The following RBM38 variants were observed in gnomAD, a reference collection of about 807,000 sequenced individuals.
RBM38 encodes RNA binding motif protein 38.
Under a neutral mutation model 23.5 loss-of-function variants are expected in RBM38, and 11 were observed. The observed-to-expected ratio is 0.47, with a 90% confidence interval of 0.29 to 0.77. The LOEUF is 0.77. Ranked by LOEUF, RBM38 falls within the 30% of genes least tolerant of loss-of-function variation. The pLI is 0.08. For synonymous variants in RBM38, 165 were observed against 166.1 expected, an observed-to-expected ratio of 0.99 and a Z score of 0.05; for missense variants, 330 against 351.9, an observed-to-expected ratio of 0.94 and a Z score of 0.50.
chr20:57,404,327 T>C (rs1007942555), intron 3 of RBM38, among the ~76,000 whole-genome samples: 2 of 152,376 alleles, frequency 1.3e-5, no homozygotes, highest in Middle Eastern at 3.4e-3. Flanking sequence ...GCAGTCTGCA[T>C]GGGATCCACA....
chr20:57,397,449 C>T (rs1370330835), intron 3 of RBM38, among the ~76,000 whole-genome samples: 1 of 152,226 alleles, frequency 6.6e-6, no homozygotes, highest in African/African-American at 2.4e-5. Context: ...TGATGATGAC[C>T]GTGAGACCCT....
chr20:57,397,226 A>C (rs181959686), intron 3 of RBM38, among the ~76,000 whole-genome samples: 82 of 152,340 alleles, frequency 5.4e-4, no homozygotes, highest in African/African-American at 1.9e-3. Flanking sequence ...TCAGTGACGC[A>C]TCTCTTGCCG....
chr20:57,396,072 C>T (rs777914601), intron 3 of RBM38, among the ~76,000 whole-genome samples: 32 of 152,254 alleles, frequency 2.1e-4, no homozygotes, highest in Non-Finnish European at 3.1e-4. Flanking sequence ...AGGCAAGACC[C>T]TGTGGAATCT....
In RBM38 at chr20:57,391,629, GC is replaced by G; in HGVS notation, c.52del (p.Leu18TrpfsTer63). ...PCAPSAGFPR[P>X]LAAPGAMHGS... ...GCGCCCCGAGCGCGGGCTTCCCGCG[GC>G]CCCTGGCCGCCCCCGGCGCCATGCA... is the stretch of plus-strand genomic sequence containing the variant. On this transcript the variant is annotated frameshift_variant, in exon 1 of 4. Coordinates refer to ENST00000356208, the MANE Select transcript of RBM38 (RefSeq NM_017495.6). LOFTEE classifies it high-confidence loss of function. 1 of 1,455,032 alleles carries G rather than the reference GC, an allele frequency of 6.9e-7. No individual in the cohort carries two copies. The highest frequency in any genetic ancestry group is 9.1e-7 in the Non-Finnish European group (1 of 1,094,836). 90.1% of individuals were successfully genotyped at this position (1,455,032 alleles called of 1,614,324 possible).
rs141362022 is a variant in RBM38 at position 57,398,382 on chromosome 20, C to T, written c.416+5049C>T. Among the ~76,000 whole-genome samples the T allele has an allele frequency of 3.4e-3, 516 of 152,260 alleles. 3 individuals are homozygous for T. Among genetic ancestry groups the T allele is most frequent in the African/African-American group, 0.012 (479 of 41,536 alleles). On this transcript the variant is annotated intron_variant, in intron 3 of 3. Coordinates refer to ENST00000356208, the MANE Select transcript of RBM38 (RefSeq NM_017495.6). The stretch of plus-strand genomic sequence containing the variant: ...AGCGAGCAGCCCAGGCCCAGGGTGA[C>T]AGGCCAGCTGCAGGTCGCCGTGGCG...
At chr20:57,398,829 C>T (rs1482066627) in intron 3 of RBM38, among the ~76,000 whole-genome samples, 2 of 152,208 alleles carry the variant, frequency 1.3e-5, no homozygotes, top group Non-Finnish European at 2.9e-5. Context: ...GGCCCAAGCT[C>T]GAGCTTTCCT....
Position 57,391,705 on chromosome 20 carries a change from C to T in RBM38, c.124C>T (p.Pro42Ser), listed in dbSNP as rs771300608. 2.0e-6 allele frequency: 3 copies of T among 1,525,896 alleles called. No homozygotes were observed. The highest frequency in any genetic ancestry group is 2.4e-5 in the South Asian group (2 of 81,864). 94.5% of individuals were successfully genotyped at this position (1,525,896 alleles called of 1,614,324 possible). Residue 42 changes from proline (P) to serine (S), a missense_variant, in exon 1 of 4, where the codon CCG (proline) becomes TCG (serine). Physicochemically the swap from Pro to Ser is moderately conservative, Grantham distance 74. This residue lies in a region of RBM38 where 95 missense variants were observed against 111.9 expected (regional missense o/e 0.85). Coordinates refer to ENST00000356208, the MANE Select transcript of RBM38 (RefSeq NM_017495.6). The stretch of plus-strand genomic sequence containing the variant: ...CACCAAGATCTTCGTGGGCGGCCTG[C>T]CGTACCACACTACCGACGCCTCGCT... ...TFTKIFVGGLPYHTTDASLRK... is the reference protein window; with the variant it reads ...TFTKIFVGGLSYHTTDASLRK...
chr20:57,398,530 C>T (rs757858216), intron 3 of RBM38, among the ~76,000 whole-genome samples: 13 of 150,404 alleles, frequency 8.6e-5, no homozygotes, highest in Non-Finnish European at 1.8e-4. Flanking sequence ...CAGGGTGTCT[C>T]GTGGTGGCCC....
At chr20:57,402,499 C>T (rs1435254865) in intron 3 of RBM38, among the ~76,000 whole-genome samples, 1 of 152,192 alleles carries the variant, frequency 6.6e-6, no homozygotes, top group Non-Finnish European at 1.5e-5. Flanking sequence ...GCAGGAGAGT[C>T]CCACCAGGGC....
At chr20:57,392,923 C>T (rs1382189348) in intron 2 of RBM38, 146 bp downstream of exon 2, 12 of 1,100,204 alleles carry the variant, frequency 1.1e-5, no homozygotes, top group East Asian at 2.5e-5. Context: ...GGGCAGCCAT[C>T]CCCCCCTCGA....
rs1046457448 is a variant in RBM38, at chr20:57,400,056, G to A, written c.416+6723G>A. 8.0e-5 allele frequency: 36 copies of A among 451,294 alleles called. 1 individual carries two copies. The highest frequency in any genetic ancestry group is 3.0e-4 in the African/African-American group (15 of 49,786). 28.0% of individuals were successfully genotyped at this position (451,294 alleles called of 1,614,324 possible). A position where few individuals can be genotyped will look rare whatever the true frequency, so the allele number is the denominator to read the frequency against. On this transcript the variant is annotated intron_variant, in intron 3 of 3. Transcript: ENST00000356208. The stretch of plus-strand genomic sequence containing the variant: ...TGTACTTCTCTCTCCCGCCCACCAC[G>A]GGGTTCTCAGACTCTGCCGGAGGCC...
chr20:57,402,805 T>C (rs2067342344), intron 3 of RBM38, among the ~76,000 whole-genome samples: 1 of 152,244 alleles, frequency 6.6e-6, no homozygotes, highest in African/African-American at 2.4e-5. Flanking sequence ...GGTTCGCCCA[T>C]GCGTGCGTGG....
chr20:57,407,786 C>T lies in RBM38; in HGVS notation c.660C>T (p.Pro220=), dbSNP rs780806248. ...CCCAGGCCCTCTCAGCCGCAGCACC[C>T]GCGGGCACCACTTTCGTGCAGTACC... ...AVPQALSAAA[P]AGTTFVQYQA... Residue 220 remains proline (P), a synonymous_variant, in exon 4 of 4, where the codon CCC becomes CCT. Transcript: ENST00000356208. This position sits in a 1 kb window ranked among gnomAD's most constrained non-coding sequence, Gnocchi z 4.0. 68 of 1,603,878 alleles carry T rather than the reference C, an allele frequency of 4.2e-5. No homozygotes were observed. The Middle Eastern group carries it at 6.6e-4, about 16-fold the overall frequency.
intron 2 of RBM38, 40 bp from the exon 3 acceptor site, chr20:57,393,239 G>A (rs757973187): frequency 1.6e-5 from 26 of 1,586,268 alleles, no homozygotes; most frequent in Non-Finnish European, 2.1e-5. Flanking sequence ...GACGTGGCTC[G>A]TGCAGCAAGG....
At chr20:57,395,805 C>T (rs1288281107) in intron 3 of RBM38, among the ~76,000 whole-genome samples, 1 of 152,100 alleles carries the variant, frequency 6.6e-6, no homozygotes, top group Non-Finnish European at 1.5e-5. Context: ...GTCAGCGTCC[C>T]TTTTGTCTTT....
chr20:57,407,476 C>A lies in RBM38; in HGVS notation c.417-67C>A. The A allele has an allele frequency of 6.5e-7, 1 of 1,534,942 alleles. No individual in the cohort carries two copies. The highest frequency in any genetic ancestry group is 1.2e-5 in the South Asian group (1 of 83,746). Reference sequence around the variant, plus strand: ...TGGGGGGCGGCACGCATCGTGTACCCCACTGTTCTCCCAGCTGTATTCCCC... The same window carrying A: ...TGGGGGGCGGCACGCATCGTGTACCACACTGTTCTCCCAGCTGTATTCCCC... On this transcript the variant is annotated intron_variant, in intron 3 of 3. Transcript: ENST00000356208. This position sits in a 1 kb window ranked among gnomAD's most constrained non-coding sequence, Gnocchi z 4.0.
At chr20:57,405,395 G>A (rs2146219288) in intron 3 of RBM38, among the ~76,000 whole-genome samples, 1 of 152,360 alleles carries the variant, frequency 6.6e-6, no homozygotes, top group African/African-American at 2.4e-5. Context: ...GAGGATGCAG[G>A]GTGGACAGCA....
Position 57,405,362 on chromosome 20 carries a change from C to T in RBM38, c.417-2181C>T, listed in dbSNP as rs560613553. ...CAGAATTCAAACCCAGGCCTGGCTC[C>T]GCGCGAGGCCCTTGTTCCCATGGAG... On this transcript the variant is annotated intron_variant, in intron 3 of 3. Transcript: ENST00000356208. Among the ~76,000 whole-genome samples the T allele has an allele frequency of 2.8e-4, 43 of 152,336 alleles. No individual in the cohort carries two copies. In the East Asian group the frequency reaches 6.4e-3, roughly 23 times the overall value.
chr20:57,401,645 C>T (rs1215147977), intron 3 of RBM38, among the ~76,000 whole-genome samples: 3 of 152,172 alleles, frequency 2.0e-5, no homozygotes, highest in South Asian at 2.1e-4. Flanking sequence ...AAGGGGCTTC[C>T]GATCATAAGG....
Sources: gnomAD v4.1 joint callset for allele counts (sites outside exome capture counted in the v4.1 genomes callset) on GRCh38, gnomAD v4.1.1 for gene constraint, gnomAD v4.1.1 regional missense constraint, Gnocchi (gnomAD v3.1) non-coding constraint, MANE v1.5 for transcripts, NCBI Gene and HGNC (gene_info 2026-07-23, HGNC 2026-07-21) for gene names.